PDHA1: variants seen among roughly 807,000 people sequenced by gnomAD.
PDHA1 encodes pyruvate dehydrogenase E1 component subunit alpha, somatic form, mitochondrial.
PDHA1 carries 1 observed loss-of-function variant against 33.0 expected under a neutral mutation model. The ratio of observed to expected loss-of-function variants is 0.03; its 90% confidence interval spans 0.01 to 0.14. The LOEUF (loss-of-function observed/expected upper bound fraction) is 0.14, where lower values mean the gene tolerates loss of function less well. Among genes scored for constraint, PDHA1 ranks in the 10% least tolerant of loss-of-function variants. The pLI, the probability that PDHA1 is intolerant of heterozygous loss-of-function variation, is 1.00. For synonymous variants in PDHA1, 123 were observed against 119.2 expected (o/e 1.03, Z -0.21); for missense variants, 168 against 325.1 (o/e 0.52, Z 3.72).
Position 19,358,913 on chromosome X carries a change from T to TA in PDHA1, c.900-2dup, listed in dbSNP as rs779132922. Reference sequence around the variant, plus strand: ...ATCGATTACTACTTTTCCCTCCCCATAGTTACCGTACACGAGAAGAAATTC... The same window carrying TA: ...ATCGATTACTACTTTTCCCTCCCCATAAGTTACCGTACACGAGAAGAAATTC... On this transcript the variant is annotated splice_region_variant and splice_polypyrimidine_tract_variant and intron_variant, in intron 9 of 10. Transcript: ENST00000422285. The TA allele has an allele frequency of 2.6e-5, 29 of 1,109,881 alleles. No homozygotes were observed. The highest frequency in any genetic ancestry group is 3.0e-5 in the Non-Finnish European group (24 of 802,666). The allele number at this position is 1,109,881 out of a possible 1,213,427, so 91.5% of individuals were successfully genotyped here.
chrX:19,350,390 C>T (rs1038175797), intron 3 of PDHA1, among the ~76,000 whole-genome samples: 2 of 111,120 alleles, frequency 1.8e-5, no homozygotes, highest in East Asian at 2.8e-4. Context: ...CTCAGCCTCC[C>T]GAGTATGTGG....
rs1383593536 is a variant in PDHA1 at position 19,344,091 on chromosome X, G to C, written c.54G>C (p.Lys18Asn). The C allele has an allele frequency of 8.3e-7, 1 of 1,203,769 alleles. No individual in the cohort carries two copies. ...GCGTGCTGTCTGGCGCTTCTCAGAAGCCGGTGAGACCTCCCGGGCGGGCCG... is the reference window on the plus strand; with the variant it reads ...GCGTGCTGTCTGGCGCTTCTCAGAACCCGGTGAGACCTCCCGGGCGGGCCG... ...VSRVLSGASQ[K>N]PASRVLVASR... The change falls in exon 1 of 11, where the codon AAG (lysine) becomes AAC (asparagine). Residue 18 changes from lysine to asparagine, a missense_variant. By Grantham distance (94) the Lys-to-Asn change is moderately conservative. Coordinates refer to ENST00000422285, the MANE Select transcript of PDHA1 (RefSeq NM_000284.4).
intron 8 of PDHA1, 134 bp from the exon 9 acceptor site, chrX:19,357,517 TC>T (rs1473908185): frequency 1.8e-5 from 10 of 567,269 alleles, no homozygotes; most frequent in Non-Finnish European, 2.9e-5. Flanking sequence ...AATAAGAAAT[TC>T]GTGACAACTC....
intron 6 of PDHA1, 43 bp downstream of exon 6, chrX:19,354,626 A>T (rs370506109): frequency 2.5e-6 from 2 of 800,062 alleles, no homozygotes; most frequent in African/African-American, 4.0e-5. Flanking sequence ...CTTATTTTCA[A>T]AGTCTTTAAT....
At position 19,360,145 on chromosome X, in the gene PDHA1, T is replaced by G. The variant is rs2063263293; in HGVS notation, c.*492T>G. On this transcript the variant is annotated 3_prime_UTR_variant, in exon 11 of 11. Transcript: ENST00000422285. The stretch of plus-strand genomic sequence containing the variant: ...TAATCATTCCAATTTTGTAATCATT[T>G]CAAAGGCCACATAACTTAGTTTTCT... 1 of 155,771 alleles carries G rather than the reference T, an allele frequency of 6.4e-6. No homozygotes were observed. Among genetic ancestry groups the G allele is most frequent in the African/African-American group, 3.1e-5 (1 of 31,817 alleles). 12.8% of individuals were successfully genotyped at this position (155,771 alleles called of 1,213,427 possible).
At chrX:19,351,981 T>C (rs1193229409) in intron 4 of PDHA1, among the ~76,000 whole-genome samples, 1 of 109,164 alleles carries the variant, frequency 9.2e-6, no homozygotes, top group East Asian at 2.9e-4. Context: ...GTATTTTTAG[T>C]AGAGATGGGG....
At chrX:19,346,600 T>C in intron 1 of PDHA1, 1 of 966,983 alleles carries the variant, frequency 1.0e-6, no homozygotes, top group Non-Finnish European at 1.3e-6. Flanking sequence ...CTGGGATTAC[T>C]CTCACTCTCT....
Position 19,359,471 on chromosome X carries a change from C to CTGT in PDHA1, c.1009-16_1009-14dup, listed in dbSNP as rs1569193999. On this transcript the variant is annotated splice_polypyrimidine_tract_variant and intron_variant, in intron 10 of 10. Coordinates refer to ENST00000422285, the MANE Select transcript of PDHA1 (RefSeq NM_000284.4). ...GCTGTTCATTCTAAAACCTTTTACA[C>CTGT]TGTTACCTAATTTTTAGGAAATTGA... 1.7e-6 allele frequency: 2 copies of CTGT among 1,198,423 alleles called. No individual in the cohort carries two copies. Among genetic ancestry groups the CTGT allele is most frequent in the Non-Finnish European group, 1.1e-6 (1 of 883,662 alleles).
chrX:19,360,585 C>CAAAAGAAACTCAGGACAGTATT lies in PDHA1; in HGVS notation c.*933_*954dup. On this transcript the variant is annotated 3_prime_UTR_variant, in exon 11 of 11. Coordinates refer to ENST00000422285, the MANE Select transcript of PDHA1 (RefSeq NM_000284.4). ...TTCTATGTTTATAAATAACAGGTTT[C>CAAAAGAAACTCAGGACAGTATT]AAAAGAAACTCAGGACAGTATTTAA... 2.4e-6 allele frequency: 1 copy of CAAAAGAAACTCAGGACAGTATT among 424,432 alleles called. No individual in the cohort carries two copies. Among genetic ancestry groups the CAAAAGAAACTCAGGACAGTATT allele is most frequent in the Non-Finnish European group, 4.1e-6 (1 of 246,630 alleles). The allele number at this position is 424,432 out of a possible 1,213,427, so 35.0% of individuals were successfully genotyped here.
At position 19,355,668 on chromosome X, in the gene PDHA1, T is replaced by TC. The variant is rs772992412; in HGVS notation, c.760-14dup. Reference sequence around the variant, plus strand: ...GGCAGTTGGATTCATGCTTCGCCCCTCCCCTGTTTATTACCAGGTGGATGG... The same window carrying TC: ...GGCAGTTGGATTCATGCTTCGCCCCTCCCCCTGTTTATTACCAGGTGGATGG... On this transcript the variant is annotated splice_polypyrimidine_tract_variant and intron_variant, in intron 7 of 10. Transcript: ENST00000422285. 4.5e-5 allele frequency: 53 copies of TC among 1,189,553 alleles called. No individual in the cohort carries two copies. Among genetic ancestry groups the TC allele is most frequent in the Non-Finnish European group, 5.6e-5 (49 of 877,143 alleles).
At chrX:19,352,525 C>T (rs754345117) in intron 4 of PDHA1, among the ~76,000 whole-genome samples, 7 of 111,895 alleles carry the variant, frequency 6.3e-5, no homozygotes, top group South Asian at 3.7e-4. Flanking sequence ...CGTGAGCCGC[C>T]GTGCCCGGCC....
At chrX:19,347,715 A>T (rs1284608005) in intron 1 of PDHA1, among the ~76,000 whole-genome samples, 1 of 112,978 alleles carries the variant, frequency 8.9e-6, no homozygotes, top group Non-Finnish European at 1.9e-5. Context: ...AATATTTATT[A>T]ACTGCCAAGA....
intron 4 of PDHA1, among the ~76,000 whole-genome samples, chrX:19,352,584 G>A (rs1236327369): frequency 8.9e-6 from 1 of 112,561 alleles, no homozygotes; most frequent in African/African-American, 3.2e-5. Context: ...CCAGGGGATT[G>A]GTTCTAGGAC....
intron 5 of PDHA1, among the ~76,000 whole-genome samples, chrX:19,353,552 A>G (rs1034253083): frequency 1.8e-5 from 2 of 111,808 alleles, no homozygotes; most frequent in Admixed American, 9.5e-5. Context: ...TGGTGTTCAC[A>G]TGACAAAATC....
rs1249506436 is a variant in PDHA1, at chrX:19,357,594, G to A, written c.832-58G>A. 38 of 982,067 alleles carry A rather than the reference G, an allele frequency of 3.9e-5. No individual in the cohort carries two copies. The Admixed American group carries it at 5.9e-4, about 15-fold the overall frequency. 80.9% of individuals were successfully genotyped at this position (982,067 alleles called of 1,213,427 possible). ...CCTGCGTTTGAGGCCGTGGATTGCC[G>A]GCCTGTTCTTCCAGTCATCGTTCCT... is the stretch of plus-strand genomic sequence containing the variant. On this transcript the variant is annotated intron_variant, in intron 8 of 10. Coordinates refer to ENST00000422285, the MANE Select transcript of PDHA1 (RefSeq NM_000284.4).
At chrX:19,353,740 A>T (rs757928186) in intron 5 of PDHA1, among the ~76,000 whole-genome samples, 1 of 111,695 alleles carries the variant, frequency 9.0e-6, no homozygotes, top group East Asian at 2.8e-4. Context: ...ATAAGTAAGC[A>T]GGAACCTCTA....
intron 1 of PDHA1, among the ~76,000 whole-genome samples, chrX:19,346,206 A>G: frequency 8.9e-6 from 1 of 112,303 alleles, no homozygotes; most frequent in Admixed American, 9.5e-5. Context: ...TACTCCATGA[A>G]GGGAGGGAGA....
At chrX:19,352,719 G>A in intron 4 of PDHA1, 1 of 248,766 alleles carries the variant, frequency 4.0e-6, no homozygotes, top group South Asian at 6.1e-5. Flanking sequence ...CTGTGTATAA[G>A]TGTACCTGTG....
Position 19,359,138 on chromosome X carries a change from T to TAAATAGTTCCATAGTTCC in PDHA1, c.1008+118_1008+135dup, listed in dbSNP as rs1453996664. 3 of 527,800 alleles carry TAAATAGTTCCATAGTTCC rather than the reference T, an allele frequency of 5.7e-6. No individual in the cohort carries two copies. In the Admixed American group the frequency reaches 8.1e-5, roughly 14 times the overall value. The allele number at this position is 527,800 out of a possible 1,213,427, so 43.5% of individuals were successfully genotyped here. ...GCCCAGAAAGTGATGTCCTGGGACA[T>TAAATAGTTCCATAGTTCC]AAATAGTTCCATAGTTCCAAAGTCC... On this transcript the variant is annotated intron_variant, in intron 10 of 10. Transcript: ENST00000422285.
Sources: gnomAD v4.1 joint callset for allele counts (sites outside exome capture counted in the v4.1 genomes callset) on GRCh38, gnomAD v4.1.1 for gene constraint, MANE v1.5 for transcripts, NCBI Gene and HGNC (gene_info 2026-07-23, HGNC 2026-07-21) for gene names.